The following KLHL22 variants were observed in gnomAD, a reference collection of about 807,000 sequenced individuals.
The protein encoded by KLHL22 is kelch like family member 22.
KLHL22 carries 18 observed loss-of-function variants against 60.7 expected under a neutral mutation model. The ratio of observed to expected loss-of-function variants is 0.30; its 90% CI spans 0.20 to 0.44. KLHL22 has a LOEUF of 0.44. Ranked by LOEUF, KLHL22 falls within the 20% of genes least tolerant of loss-of-function variation. The probability of loss-of-function intolerance (pLI) is 1.00; values close to 1 mark genes in which losing one functional copy is unlikely to be tolerated. For missense variants in KLHL22, 596 were observed against 852.3 expected (o/e 0.70, Z 3.74); for synonymous variants, 355 against 354.5 (o/e 1.00, Z -0.01).
chr22:20,450,757 T>G, intron 5 of KLHL22: 1 of 1,327,202 alleles, frequency 7.5e-7, no homozygotes, highest in East Asian at 2.3e-5. Context: ...GCAGAAAGAC[T>G]CCTTGCCCAG....
intron 1 of KLHL22, among the ~76,000 whole-genome samples, chr22:20,494,452 C>A (rs917695501): frequency 1.3e-5 from 2 of 152,136 alleles, no homozygotes; most frequent in Non-Finnish European, 2.9e-5. Context: ...AGGGTCTTGG[C>A]TCACTGCAGC....
At chr22:20,457,194 C>T (rs1361133005) in intron 5 of KLHL22, among the ~76,000 whole-genome samples, 1 of 152,110 alleles carries the variant, frequency 6.6e-6, no homozygotes, top group Non-Finnish European at 1.5e-5. Flanking sequence ...CTCCCTAAAA[C>T]ATCATTTTTC....
At chr22:20,462,011 T>C (rs1029177583) in intron 4 of KLHL22, among the ~76,000 whole-genome samples, 1 of 152,072 alleles carries the variant, frequency 6.6e-6, no homozygotes, top group Admixed American at 6.6e-5. Context: ...GGCAGGAGAA[T>C]TGCTTGAACC....
chr22:20,477,987 A>G (rs983805756), intron 2 of KLHL22, among the ~76,000 whole-genome samples: 1 of 152,210 alleles, frequency 6.6e-6, no homozygotes, highest in Non-Finnish European at 1.5e-5. Context: ...AATTGTCATG[A>G]TATCTATAAC....
At chr22:20,455,794 G>C (rs1246872375) in intron 5 of KLHL22, among the ~76,000 whole-genome samples, 2 of 152,166 alleles carry the variant, frequency 1.3e-5, no homozygotes, top group Non-Finnish European at 2.9e-5. Context: ...AAATACACTA[G>C]CACGTAGAGC....
chr22:20,483,979 C>T, intron 2 of KLHL22: 1 of 699,774 alleles, frequency 1.4e-6, no homozygotes, highest in South Asian at 1.4e-5. Flanking sequence ...ATCCAGGAAC[C>T]AGAGCCCTCG....
intron 2 of KLHL22, chr22:20,488,766 A>G: frequency 1.7e-6 from 1 of 587,868 alleles, no homozygotes; most frequent in African/African-American, 1.9e-5. Flanking sequence ...GAGAGGGAAG[A>G]GAAGAGGAGG....
intron 2 of KLHL22, chr22:20,475,461 A>G (rs1435885449): frequency 6.6e-6 from 1 of 152,150 alleles, no homozygotes; most frequent in Non-Finnish European, 1.5e-5. Context: ...TTCACATTTA[A>G]AACTGTTGAT....
intron 5 of KLHL22, among the ~76,000 whole-genome samples, chr22:20,455,266 C>T (rs563547655): frequency 1.3e-5 from 2 of 152,342 alleles, no homozygotes; most frequent in African/African-American, 4.8e-5. Context: ...ACTCTGAACC[C>T]TCCCATCTCC....
chr22:20,466,094 G>C (rs966998922), intron 3 of KLHL22, among the ~76,000 whole-genome samples: 2 of 152,156 alleles, frequency 1.3e-5, no homozygotes, highest in East Asian at 3.9e-4. Context: ...GTACTGGCTC[G>C]GCCGGGTGCG....
In KLHL22 at chr22:20,455,234, G is replaced by C. The variant is rs2053044737; in HGVS notation, c.1305+2574C>G. On this transcript the variant is annotated intron_variant, in intron 5 of 6. Coordinates refer to ENST00000328879, the MANE Select transcript of KLHL22 (RefSeq NM_032775.4). ...CAACATCTGATCCATCAGCAAGCCT[G>C]ATCAGTTTACCTCCACGCTACACTC... Among the ~76,000 whole-genome samples, 3 of 152,140 alleles carry C rather than the reference G, an allele frequency of 2.0e-5. No individual in the cohort carries two copies. In the South Asian group the frequency reaches 6.2e-4, roughly 32 times the overall value.
intron 2 of KLHL22, chr22:20,483,863 C>T (rs1235633943): frequency 5.5e-5 from 39 of 715,462 alleles, no homozygotes; most frequent in Middle Eastern, 3.0e-4. Flanking sequence ...GTATGGTCTC[C>T]TTCTCATTCT....
rs185723445 is a variant in KLHL22, at chr22:20,479,140, A to T, written c.228-7625T>A. Among the ~76,000 whole-genome samples, 812 of 151,504 alleles carry T rather than the reference A, an allele frequency of 5.4e-3. 11 individuals carry two copies. The highest frequency in any genetic ancestry group is 0.018 in the African/African-American group (762 of 41,348). Reference sequence around the variant, plus strand: ...TGAGATTCTGTCTCAAAAAAAAAAAATTCATTTTTGGCTCACGGCAGCCTC... The same window carrying T: ...TGAGATTCTGTCTCAAAAAAAAAAATTTCATTTTTGGCTCACGGCAGCCTC... On this transcript the variant is annotated intron_variant, in intron 2 of 6. Coordinates refer to ENST00000328879, the MANE Select transcript of KLHL22 (RefSeq NM_032775.4).
chr22:20,473,912 G>A (rs1274271597), intron 2 of KLHL22, among the ~76,000 whole-genome samples: 7 of 144,516 alleles, frequency 4.8e-5, no homozygotes, highest in Non-Finnish European at 7.6e-5. Context: ...TGTGGTGAAA[G>A]TCCCCTTGCC....
rs547946801 is a variant in KLHL22, at chr22:20,462,432, G to A, written c.1112+2426C>T. 5.9e-4 allele frequency among the ~76,000 whole-genome samples: 89 copies of A among 151,914 alleles called. 1 individual carries two copies. Among genetic ancestry groups the A allele is most frequent in the Non-Finnish European group, 1.1e-3 (74 of 67,982 alleles). On this transcript the variant is annotated intron_variant, in intron 4 of 6. Coordinates refer to ENST00000328879, the MANE Select transcript of KLHL22 (RefSeq NM_032775.4). ...TACAGGGGCATGATCATAGTTCACCGAAGTCTAAAACTCCTGGACTCAAGC... is the reference window on the plus strand; with the variant it reads ...TACAGGGGCATGATCATAGTTCACCAAAGTCTAAAACTCCTGGACTCAAGC...
Position 20,442,318 on chromosome 22 carries a change from G to A in KLHL22, c.1660C>T (p.His554Tyr). 1 of 1,613,964 alleles carries A rather than the reference G, an allele frequency of 6.2e-7. No individual in the cohort carries two copies. Among genetic ancestry groups the A allele is most frequent in the Non-Finnish European group, 8.5e-7 (1 of 1,180,024 alleles). ...TAGCCTGTGCGGCTGCCGCGGTTGT[G>A]TGAGCGGCCACCTAACACATAGATC... ...NRIYVLGGRS[H>Y]NRGSRTGYVH... The change falls in exon 7 of 7, where the codon CAC (histidine) becomes TAC (tyrosine). Residue 554 changes from histidine (H) to tyrosine (Y), a missense_variant. Physicochemically the swap from His to Tyr is moderately conservative, Grantham distance 83. Coordinates refer to ENST00000328879, the MANE Select transcript of KLHL22 (RefSeq NM_032775.4).
At chr22:20,474,705 C>G (rs1192150836) in intron 2 of KLHL22, among the ~76,000 whole-genome samples, 1 of 152,190 alleles carries the variant, frequency 6.6e-6, no homozygotes, top group Non-Finnish European at 1.5e-5. Context: ...TGTCTCACTT[C>G]TTTAACCCAT....
At chr22:20,474,078 C>A (rs927427258) in intron 2 of KLHL22, among the ~76,000 whole-genome samples, 2 of 152,122 alleles carry the variant, frequency 1.3e-5, no homozygotes, top group African/African-American at 4.8e-5. Flanking sequence ...TGGCTCAGTG[C>A]AACCTCCGCC....
intron 5 of KLHL22, chr22:20,451,056 A>G: frequency 6.7e-7 from 1 of 1,493,000 alleles, no homozygotes; most frequent in South Asian, 1.1e-5. Flanking sequence ...GCTTTTTGCC[A>G]AGCATCACTT....
Sources: allele counts gnomAD v4.1 joint callset (sites outside exome capture counted in the v4.1 genomes callset), GRCh38; gene constraint gnomAD v4.1.1; transcripts MANE v1.5; gene names NCBI Gene and HGNC (gene_info 2026-07-23, HGNC 2026-07-21).